RELN: variants seen among roughly 807,000 people sequenced by gnomAD.
RELN encodes reelin.
A neutral mutation model predicts 427.6 loss-of-function variants in RELN; 108 were observed. The observed-to-expected ratio is 0.25, with a 90% CI of 0.22 to 0.30. RELN has a LOEUF of 0.30. Ranked by LOEUF, RELN falls within the 10% of genes least tolerant of loss-of-function variation. The probability of loss-of-function intolerance (pLI) is 1.00; values close to 1 mark genes in which losing one functional copy is unlikely to be tolerated. For missense variants in RELN, 3,715 were observed against 4,302.8 expected (o/e 0.86, Z 3.82); for synonymous variants, 1,524 against 1,513.4 (o/e 1.01, Z -0.16).
In RELN at chr7:103,790,029, T is replaced by C. The variant is rs138984289; in HGVS notation, c.474-13402A>G. 1.0e-3 allele frequency among the ~76,000 whole-genome samples: 157 copies of C among 152,318 alleles called. 1 individual carries two copies. In the East Asian group the frequency reaches 0.024, roughly 23 times the overall value. ...ATAAAAAAGAATGAGTTCATGTCCT[T>C]TGCAGGGACATGGATGAAGCTGGAA... On this transcript the variant is annotated intron_variant, in intron 3 of 64. Coordinates refer to ENST00000428762, the MANE Select transcript of RELN (RefSeq NM_005045.4).
chr7:103,607,845 G>A (rs780935942), intron 22 of RELN, among the ~76,000 whole-genome samples: 6 of 152,136 alleles, frequency 3.9e-5, no homozygotes, highest in Admixed American at 3.9e-4. Context: ...TGAAGTCAGC[G>A]ACTGATAGCT....
intron 64 of RELN, among the ~76,000 whole-genome samples, chr7:103,474,980 A>G (rs760457431): frequency 6.6e-6 from 1 of 152,174 alleles, no homozygotes; most frequent in Non-Finnish European, 1.5e-5. Context: ...GCCCAAAACC[A>G]TGCAGAATCC....
At chr7:103,645,425 G>C (rs1293205219) in intron 16 of RELN, among the ~76,000 whole-genome samples, 1 of 151,488 alleles carries the variant, frequency 6.6e-6, no homozygotes, top group Non-Finnish European at 1.5e-5. Context: ...TAAAGATAAA[G>C]GGATGGAAAA....
intron 46 of RELN, among the ~76,000 whole-genome samples, chr7:103,525,669 G>T (rs926408538): frequency 1.3e-5 from 2 of 151,354 alleles, no homozygotes; most frequent in Non-Finnish European, 2.9e-5. Context: ...ATAATTACTC[G>T]GAGCCAACAT....
chr7:103,863,726 T>C (rs1021620606), intron 2 of RELN, among the ~76,000 whole-genome samples: 1 of 152,132 alleles, frequency 6.6e-6, no homozygotes, highest in African/African-American at 2.4e-5. Flanking sequence ...ATGGACATTA[T>C]TAGCCCCATT....
Position 103,953,171 on chromosome 7 carries a change from A to C in RELN, c.226+35960T>G, listed in dbSNP as rs960086924. ...TCCAAGATCAGCACCACAGGGGAAA[A>C]ATCAGGGCAAGAAAAGTCTTCCCAT... On this transcript the variant is annotated intron_variant, in intron 1 of 64. Coordinates refer to ENST00000428762, the MANE Select transcript of RELN (RefSeq NM_005045.4). This position sits in a 1 kb window ranked among gnomAD's most constrained non-coding sequence, Gnocchi z 4.3. Among the ~76,000 whole-genome samples the C allele has an allele frequency of 1.7e-4, 26 of 152,226 alleles. No individual in the cohort carries two copies. Among genetic ancestry groups the C allele is most frequent in the Non-Finnish European group, 3.4e-4 (23 of 68,044 alleles).
intron 2 of RELN, among the ~76,000 whole-genome samples, chr7:103,863,345 C>G (rs1273772644): frequency 2.0e-5 from 3 of 152,174 alleles, no homozygotes; most frequent in Non-Finnish European, 2.9e-5. Flanking sequence ...CTGGAAGCAT[C>G]TGACCTAATC....
At chr7:103,818,241 T>C (rs1256208435) in intron 3 of RELN, among the ~76,000 whole-genome samples, 1 of 152,166 alleles carries the variant, frequency 6.6e-6, no homozygotes, top group Non-Finnish European at 1.5e-5. Context: ...CCAGGGAGCT[T>C]TGGAAAAGAG....
In RELN at chr7:103,498,259, A is replaced by G. The variant is rs868719878; in HGVS notation, c.8668-7T>C. On this transcript the variant is annotated splice_polypyrimidine_tract_variant and splice_region_variant and intron_variant, in intron 53 of 64. Coordinates refer to ENST00000428762, the MANE Select transcript of RELN (RefSeq NM_005045.4). Reference sequence around the variant, plus strand: ...AGCGTTCCTTCAGGAAAGTCTGGAAATAAAATAAGCCAGATGTGGTTAAAA... The same window carrying G: ...AGCGTTCCTTCAGGAAAGTCTGGAAGTAAAATAAGCCAGATGTGGTTAAAA... 6.2e-6 allele frequency: 10 copies of G among 1,612,944 alleles called. No individual in the cohort carries two copies. The Middle Eastern group carries it at 1.3e-3, about 213-fold the overall frequency.
chr7:103,885,146 T>C (rs1584331710), intron 2 of RELN, among the ~76,000 whole-genome samples: 1 of 152,176 alleles, frequency 6.6e-6, no homozygotes, highest in East Asian at 1.9e-4. Flanking sequence ...AAAACCATCC[T>C]GGCTAACACG....
intron 28 of RELN, among the ~76,000 whole-genome samples, chr7:103,582,349 G>T (rs1354959653): frequency 1.3e-5 from 2 of 152,182 alleles, no homozygotes; most frequent in Non-Finnish European, 2.9e-5. Context: ...CATATGGCAA[G>T]TCAAATTCTT....
At chr7:103,528,721 G>A (rs28497083) in intron 46 of RELN, among the ~76,000 whole-genome samples, 33 of 151,642 alleles carry the variant, frequency 2.2e-4, no homozygotes, top group African/African-American at 8.0e-4. Flanking sequence ...TAGAGACGGG[G>A]TTTCACCATG....
At chr7:103,721,360 C>T (rs1011212414) in intron 8 of RELN, among the ~76,000 whole-genome samples, 1 of 152,014 alleles carries the variant, frequency 6.6e-6, no homozygotes, top group Non-Finnish European at 1.5e-5. Flanking sequence ...CTACAGTCCT[C>T]AGGCTTGTGG....
intron 55 of RELN, 121 bp downstream of exon 55, chr7:103,497,699 T>C: frequency 1.2e-6 from 1 of 818,532 alleles, no homozygotes; most frequent in Non-Finnish European, 2.1e-6. Flanking sequence ...TGTAGCTTTT[T>C]CTTTGTGAGT....
In RELN at chr7:103,681,367, C is replaced by T. The variant is rs73408788; in HGVS notation, c.1289+749G>A. Reference sequence around the variant, plus strand: ...TTGTCAGTCAATAGTTAAATTATTGCTATTTCATATTCATTATGAAATTAT... The same window carrying T: ...TTGTCAGTCAATAGTTAAATTATTGTTATTTCATATTCATTATGAAATTAT... On this transcript the variant is annotated intron_variant, in intron 11 of 64. Coordinates refer to ENST00000428762, the MANE Select transcript of RELN (RefSeq NM_005045.4). Among the ~76,000 whole-genome samples, 885 of 152,222 alleles carry T rather than the reference C, an allele frequency of 5.8e-3. 8 individuals carry two copies. The highest frequency in any genetic ancestry group is 0.021 in the African/African-American group (860 of 41,552).
Position 103,824,479 on chromosome 7 carries a change from C to T in RELN, c.473+9058G>A, listed in dbSNP as rs1584270423. Among the ~76,000 whole-genome samples the T allele has an allele frequency of 1.3e-5, 2 of 152,052 alleles. No individual in the cohort carries two copies. The highest frequency in any genetic ancestry group is 4.8e-5 in the African/African-American group (2 of 41,502). ...GAAGCTCCTGACAATAGCTCCAGGC[C>T]CCATATAGGTTAAAACTCCAGATCT... On this transcript the variant is annotated intron_variant, in intron 3 of 64. Transcript: ENST00000428762. The surrounding 1 kb of genome is among the most constrained non-coding windows in gnomAD (Gnocchi z 4.4).
chr7:103,971,825 C>A (rs1449930740), intron 1 of RELN, among the ~76,000 whole-genome samples: 2 of 147,322 alleles, frequency 1.4e-5, no homozygotes, highest in Non-Finnish European at 3.1e-5. Context: ...GTAATCCCAG[C>A]ACTTTGGGAA....
intron 53 of RELN, among the ~76,000 whole-genome samples, chr7:103,499,287 T>G (rs980312033): frequency 6.6e-6 from 1 of 152,058 alleles, no homozygotes; most frequent in African/African-American, 2.4e-5. Flanking sequence ...CCAGAAAATC[T>G]ATTTTTCAGA....
intron 2 of RELN, among the ~76,000 whole-genome samples, chr7:103,874,305 G>T (rs1248885018): frequency 7.9e-6 from 1 of 126,048 alleles, no homozygotes; most frequent in Non-Finnish European, 1.7e-5. Context: ...ACAAGACAGG[G>T]ATGTCCTCTC....
Sources: allele counts gnomAD v4.1 joint callset (sites outside exome capture counted in the v4.1 genomes callset), GRCh38; gene constraint gnomAD v4.1.1; non-coding constraint Gnocchi (gnomAD v3.1); transcripts MANE v1.5; gene names NCBI Gene and HGNC (gene_info 2026-07-23, HGNC 2026-07-21).